SLC4A10: variants seen among roughly 807,000 people sequenced by gnomAD.
SLC4A10 encodes sodium-driven chloride bicarbonate exchanger.
SLC4A10 carries 42 observed loss-of-function variants against 137.7 expected under a neutral mutation model. That is an observed-to-expected ratio of 0.30 (90% CI 0.24 to 0.39). SLC4A10 has a LOEUF of 0.39. SLC4A10 is among the 10% of genes least tolerant of loss of function. SLC4A10 has a pLI of 1.00. For synonymous variants in SLC4A10, 474 were observed against 464.1 expected (o/e 1.02, Z -0.27); for missense variants, 925 against 1,355.0 (o/e 0.68, Z 4.98).
At chr2:161,777,569 C>A (rs2052505662) in intron 2 of SLC4A10, among the ~76,000 whole-genome samples, 1 of 151,950 alleles carries the variant, frequency 6.6e-6, no homozygotes, top group Non-Finnish European at 1.5e-5. Context: ...CTGGGAAGGC[C>A]TCACAATCAT....
intron 3 of SLC4A10, among the ~76,000 whole-genome samples, chr2:161,823,879 T>G (rs1000160976): frequency 6.6e-6 from 1 of 152,192 alleles, no homozygotes; most frequent in African/African-American, 2.4e-5. Flanking sequence ...TACTGTTTTT[T>G]GGCAATTGCC....
chr2:161,918,193 T>C (rs1262668940), intron 15 of SLC4A10, among the ~76,000 whole-genome samples: 4 of 152,208 alleles, frequency 2.6e-5, no homozygotes, highest in Non-Finnish European at 5.9e-5. Flanking sequence ...TCTCTCTCTG[T>C]CACCCAGGCT....
chr2:161,693,766 T>C (rs1002376202), intron 1 of SLC4A10, among the ~76,000 whole-genome samples: 1 of 151,490 alleles, frequency 6.6e-6, no homozygotes, highest in Non-Finnish European at 1.5e-5. Flanking sequence ...CAAAATGCCC[T>C]TCAGGTTCAT....
At chr2:161,929,846 T>C (rs1312556680) in intron 15 of SLC4A10, among the ~76,000 whole-genome samples, 1 of 152,068 alleles carries the variant, frequency 6.6e-6, no homozygotes, top group African/African-American at 2.4e-5. Context: ...TCTCACAATT[T>C]ATACAGAAAA....
At chr2:161,921,999 A>T (rs1248560667) in intron 15 of SLC4A10, among the ~76,000 whole-genome samples, 1 of 152,238 alleles carries the variant, frequency 6.6e-6, no homozygotes, top group African/African-American at 2.4e-5. Context: ...TGCTTAAAAA[A>T]AATGAATGCA....
chr2:161,940,203 T>A (rs567549812), intron 15 of SLC4A10, among the ~76,000 whole-genome samples: 2 of 152,298 alleles, frequency 1.3e-5, no homozygotes, highest in African/African-American at 2.4e-5. Flanking sequence ...CAGCTCAGCA[T>A]GACAGAAGCT....
At chr2:161,776,505 C>T (rs1403408737) in intron 2 of SLC4A10, among the ~76,000 whole-genome samples, 1 of 151,828 alleles carries the variant, frequency 6.6e-6, no homozygotes, top group Non-Finnish European at 1.5e-5. Context: ...ATAAAGTCCT[C>T]AAGTTTCAGT....
intron 17 of SLC4A10, among the ~76,000 whole-genome samples, chr2:161,948,657 T>G (rs1194817273): frequency 6.6e-6 from 1 of 152,144 alleles, no homozygotes; most frequent in Non-Finnish European, 1.5e-5. Context: ...CACTCTGTTG[T>G]GTACATTCCC....
At chr2:161,700,440 A>T (rs747525134) in intron 1 of SLC4A10, among the ~76,000 whole-genome samples, 1 of 152,148 alleles carries the variant, frequency 6.6e-6, no homozygotes, top group South Asian at 2.1e-4. Flanking sequence ...TGTGGAAAGA[A>T]GAAGGAACTG....
At chr2:161,824,840 T>A (rs925183052) in intron 3 of SLC4A10, among the ~76,000 whole-genome samples, 2 of 152,180 alleles carry the variant, frequency 1.3e-5, no homozygotes, top group Admixed American at 1.3e-4. Flanking sequence ...TTACAATTTA[T>A]TTCCATAAAG....
chr2:161,711,183 G>T (rs1375605608), intron 1 of SLC4A10, among the ~76,000 whole-genome samples: 7 of 151,834 alleles, frequency 4.6e-5, no homozygotes, highest in Admixed American at 4.6e-4. Flanking sequence ...AAATAGCTTT[G>T]CATGTTGTAT....
At chr2:161,843,497 A>G (rs1490590099) in intron 4 of SLC4A10, among the ~76,000 whole-genome samples, 1 of 152,150 alleles carries the variant, frequency 6.6e-6, no homozygotes, top group Non-Finnish European at 1.5e-5. Flanking sequence ...ACATCTGATG[A>G]GCAATGGAAA....
At chr2:161,812,738 T>A (rs1045253869) in intron 3 of SLC4A10, among the ~76,000 whole-genome samples, 7 of 152,136 alleles carry the variant, frequency 4.6e-5, no homozygotes, top group Admixed American at 6.6e-5. Context: ...ATGGTGTATA[T>A]GTACCACATT....
chr2:161,810,382 G>T (rs1294019677), intron 3 of SLC4A10, among the ~76,000 whole-genome samples: 1 of 152,052 alleles, frequency 6.6e-6, no homozygotes. Flanking sequence ...GATTGCTCTG[G>T]CTAGGTCTTC....
intron 25 of SLC4A10, 55 bp from the exon 26 acceptor site, chr2:161,977,667 G>T (rs187580359): frequency 1.3e-6 from 2 of 1,490,430 alleles, no homozygotes; most frequent in African/African-American, 1.4e-5. Context: ...CTTTATTTTC[G>T]TAACCTTAAA....
intron 1 of SLC4A10, among the ~76,000 whole-genome samples, chr2:161,702,422 C>G (rs1183389640): frequency 6.6e-6 from 1 of 151,690 alleles, no homozygotes; most frequent in African/African-American, 2.4e-5. Context: ...TTTATATTTT[C>G]CTATCATTTA....
At chr2:161,628,388 T>C (rs2032867143) in intron 1 of SLC4A10, among the ~76,000 whole-genome samples, 2 of 152,186 alleles carry the variant, frequency 1.3e-5, no homozygotes, top group Admixed American at 6.6e-5. Context: ...TTTTAAAAGA[T>C]AATTTGATGA....
At chr2:161,797,258 CG>C (rs1371060611) in intron 2 of SLC4A10, among the ~76,000 whole-genome samples, 1 of 152,014 alleles carries the variant, frequency 6.6e-6, no homozygotes, top group African/African-American at 2.4e-5. Flanking sequence ...TTTTTGCTCA[CG>C]TTATCTCCTT....
Position 161,965,075 on chromosome 2 carries a change from A to G in SLC4A10, c.3061A>G (p.Lys1021Glu). The change falls in exon 23 of 27, where the codon AAG becomes GAG. Residue 1021 changes from lysine (K) to glutamate (E), a missense_variant. By Grantham distance (56) the Lys-to-Glu change is moderately conservative (BLOSUM62 1). Around this residue, in one of 11 missense-constraint regions of SLC4A10, gnomAD observed 115 missense variants for 237.5 expected, o/e 0.48. Coordinates refer to ENST00000446997, the MANE Select transcript of SLC4A10 (RefSeq NM_001178015.2). ...MMVLALVFVR[K>E]LMDLLFTKRE... ...GGTGTTAGCCCTGGTATTTGTAAGA[A>G]AGTTGATGGACTTGTTGTTCACGAA... 6.2e-7 allele frequency: 1 copy of G among 1,612,328 alleles called. No homozygotes were observed. Among genetic ancestry groups the G allele is most frequent in the Non-Finnish European group, 8.5e-7 (1 of 1,178,836 alleles).
Sources: gnomAD v4.1 joint callset for allele counts (sites outside exome capture counted in the v4.1 genomes callset) on GRCh38, gnomAD v4.1.1 for gene constraint, gnomAD v4.1.1 regional missense constraint, MANE v1.5 for transcripts, NCBI Gene and HGNC (gene_info 2026-07-23, HGNC 2026-07-21) for gene names.